FSD2: variants seen among roughly 807,000 people sequenced by gnomAD.
FSD2 encodes fibronectin type III and SPRY domain-containing protein 2.
In FSD2, 71 loss-of-function variants were observed where a neutral mutation model predicts 80.4. The ratio of observed to expected loss-of-function variants is 0.88; its 90% confidence interval spans 0.73 to 1.08. The LOEUF (loss-of-function observed/expected upper bound fraction) is 1.08. Among genes scored for constraint, FSD2 ranks in the 50% least tolerant of loss-of-function variants. FSD2 has a pLI of 0.00. For missense variants in FSD2, 923 were observed against 913.8 expected, an observed-to-expected ratio of 1.01 and a Z score of -0.13; for synonymous variants, 361 against 329.5, an observed-to-expected ratio of 1.10 and a Z score of -1.03.
In FSD2 at chr15:82,766,014, G is replaced by A. The variant is rs756808809; in HGVS notation, c.1571C>T (p.Pro524Leu). Reference protein sequence around the residue: ...SGVTESVVGIPTCESVVQLQP... With the variant: ...SGVTESVVGILTCESVVQLQP... ...CAGCTGCACCACGGACTCGCAGGTC[G>A]GGATGCCCACAACAGACCTGTACAA... is the stretch of plus-strand genomic sequence containing the variant. The change falls in exon 10 of 13, where the codon CCG (proline) becomes CTG (leucine). Residue 524 changes from proline to leucine, a missense_variant. By Grantham distance (98) the Pro-to-Leu change is moderately conservative (BLOSUM62 -3). Coordinates refer to ENST00000334574, the MANE Select transcript of FSD2 (RefSeq NM_001007122.4). 3.3e-5 allele frequency: 53 copies of A among 1,586,562 alleles called. No homozygotes were observed. In the East Asian group the frequency reaches 6.9e-4, roughly 21 times the overall value.
At position 82,758,200 on chromosome 15, in the gene FSD2, A is replaced by G. The variant is rs2049212422; in HGVS notation, c.*1148T>C. 6.6e-6 allele frequency: 1 copy of G among 152,198 alleles called. No individual in the cohort carries two copies. 9.4% of individuals were successfully genotyped at this position (152,198 alleles called of 1,614,324 possible). ...ATCTGGGTTTAGAGGCATCTGTGGG[A>G]CATGATACTGAATTGTAATTGCTTC... On this transcript the variant is annotated 3_prime_UTR_variant, in exon 13 of 13. Transcript: ENST00000334574.
In FSD2 at chr15:82,785,052, A is replaced by G. The variant is rs368135930; in HGVS notation, c.735+1459T>C. On this transcript the variant is annotated intron_variant, in intron 3 of 12. Transcript: ENST00000334574. ...CCTTGTCAAGGCTGAACCGTGAAAG[A>G]GGAGCTAGTCTTATTCTGTGTAGCT... is the stretch of plus-strand genomic sequence containing the variant. Among the ~76,000 whole-genome samples, 5 of 152,332 alleles carry G rather than the reference A, an allele frequency of 3.3e-5. No individual in the cohort carries two copies. The East Asian group carries it at 9.6e-4, about 29-fold the overall frequency.
intron 2 of FSD2, 26 bp downstream of exon 2, chr15:82,786,724 CAG>C (rs2050006897): frequency 1.2e-6 from 2 of 1,610,016 alleles, no homozygotes; most frequent in African/African-American, 2.7e-5. Context: ...AATATCAAGA[CAG>C]AGAAGAACCA....
At chr15:82,788,969 ACT>A (rs1237227209) in intron 1 of FSD2, among the ~76,000 whole-genome samples, 4 of 147,476 alleles carry the variant, frequency 2.7e-5, no homozygotes, top group South Asian at 2.3e-4. Flanking sequence ...ACAGAGCAAG[ACT>A]CTGTCTAAAA....
chr15:82,792,817 A>T (rs1256839454), intron 1 of FSD2, among the ~76,000 whole-genome samples: 2 of 152,092 alleles, frequency 1.3e-5, no homozygotes, highest in African/African-American at 2.4e-5. Context: ...GTCATATGTG[A>T]CTAGATTCAG....
In FSD2 at chr15:82,782,615, C is replaced by T. The variant is rs572925883; in HGVS notation, c.966+180G>A. On this transcript the variant is annotated intron_variant, in intron 4 of 12. Transcript: ENST00000334574. ...TGGAAGCCATGCAGAGAGATTGGGCCACAGCCTCCCCATCACGATCATCCA... is the reference window on the plus strand; with the variant it reads ...TGGAAGCCATGCAGAGAGATTGGGCTACAGCCTCCCCATCACGATCATCCA... 3.9e-5 allele frequency among the ~76,000 whole-genome samples: 6 copies of T among 152,288 alleles called. No individual in the cohort carries two copies. The East Asian group carries it at 1.2e-3, about 29-fold the overall frequency.
At chr15:82,783,057 AGC>A in intron 3 of FSD2, 32 bp from the exon 4 acceptor site, 1 of 1,457,010 alleles carries the variant, frequency 6.9e-7, no homozygotes, top group Non-Finnish European at 9.6e-7. Context: ...TCATCATTTC[AGC>A]GCATGTAGTG....
chr15:82,769,504 G>A (rs146310651), intron 8 of FSD2, among the ~76,000 whole-genome samples: 322 of 152,106 alleles, frequency 2.1e-3, no homozygotes, highest in African/African-American at 7.4e-3. Flanking sequence ...GAACCTAGGC[G>A]GCAGAGGTTG....
At chr15:82,783,075 AT>A in intron 3 of FSD2, 50 bp from the exon 4 acceptor site, 1 of 1,321,266 alleles carries the variant, frequency 7.6e-7, no homozygotes, top group Non-Finnish European at 1.1e-6. Context: ...TAGTGTGTTG[AT>A]TAGAGTCTTT....
At position 82,759,120 on chromosome 15, in the gene FSD2, T is replaced by C; in HGVS notation, c.*228A>G. On this transcript the variant is annotated 3_prime_UTR_variant, in exon 13 of 13. Coordinates refer to ENST00000334574, the MANE Select transcript of FSD2 (RefSeq NM_001007122.4). ...TGAGTTCGTTTAGTCTGAGCCTTTA[T>C]TTTACAGCTGGGCCTGGTAATGACT... The C allele has an allele frequency of 1.9e-6, 1 of 519,744 alleles. No individual in the cohort carries two copies. Among genetic ancestry groups the C allele is most frequent in the Non-Finnish European group, 3.4e-6 (1 of 294,112 alleles). The allele number at this position is 519,744 out of a possible 1,614,324, so 32.2% of individuals were successfully genotyped here. A position where few individuals can be genotyped will look rare whatever the true frequency, so the allele number is the denominator to read the frequency against.
At chr15:82,767,823 G>A (rs1036638977) in intron 9 of FSD2, among the ~76,000 whole-genome samples, 2 of 152,172 alleles carry the variant, frequency 1.3e-5, no homozygotes, top group African/African-American at 4.8e-5. Flanking sequence ...TTCAAGCCTG[G>A]CATTTAGCAT....
intron 1 of FSD2, among the ~76,000 whole-genome samples, chr15:82,799,780 G>A (rs952850566): frequency 6.6e-6 from 1 of 152,188 alleles, no homozygotes; most frequent in Admixed American, 6.5e-5. Context: ...TGGGGTTCTG[G>A]TTAAACGTAG....
At chr15:82,775,272 C>T (rs2049689337) in intron 6 of FSD2, among the ~76,000 whole-genome samples, 1 of 151,716 alleles carries the variant, frequency 6.6e-6, no homozygotes, top group East Asian at 2.0e-4. Flanking sequence ...GTAGCGGGTG[C>T]CTGTAATCCC....
intron 9 of FSD2, among the ~76,000 whole-genome samples, chr15:82,766,372 G>A (rs1175043315): frequency 1.3e-5 from 2 of 152,110 alleles, no homozygotes; most frequent in Non-Finnish European, 2.9e-5. Flanking sequence ...GTCTCTGTCC[G>A]TCTGTTAGGA....
At position 82,787,103 on chromosome 15, in the gene FSD2, G is replaced by A. The variant is rs1185481561; in HGVS notation, c.288C>T (p.Pro96=). 1 of 1,613,886 alleles carries A rather than the reference G, an allele frequency of 6.2e-7. No homozygotes were observed. Among genetic ancestry groups the A allele is most frequent in the Non-Finnish European group, 8.5e-7 (1 of 1,179,880 alleles). The change falls in exon 2 of 13, where the codon CCC becomes CCT. Residue 96 remains proline, a synonymous_variant. Coordinates refer to ENST00000334574, the MANE Select transcript of FSD2 (RefSeq NM_001007122.4). ...GAGGATATTCTGAAACCCCTGTTCTGGGTATGTTTTCATCAACAAACTCAT... is the reference window on the plus strand; with the variant it reads ...GAGGATATTCTGAAACCCCTGTTCTAGGTATGTTTTCATCAACAAACTCAT... ...LGDEFVDENI[P]RTGVSEYPPY...
At chr15:82,778,917 A>G in intron 5 of FSD2, 30 bp from the exon 6 acceptor site, 6 of 1,613,158 alleles carry the variant, frequency 3.7e-6, no homozygotes, top group Non-Finnish European at 5.1e-6. Flanking sequence ...TGCTGACTAG[A>G]ATGGAGGGGC....
chr15:82,792,113 C>T (rs1450279708), intron 1 of FSD2, among the ~76,000 whole-genome samples: 1 of 152,094 alleles, frequency 6.6e-6, no homozygotes, highest in Non-Finnish European at 1.5e-5. Flanking sequence ...AGGTATATAC[C>T]CAGGGGTGAG....
At chr15:82,786,685 C>A (rs940628932) in intron 2 of FSD2, 67 bp downstream of exon 2, 27 of 1,606,782 alleles carry the variant, frequency 1.7e-5, no homozygotes, top group Non-Finnish European at 2.3e-5. Flanking sequence ...TAGATTTATT[C>A]CCTGCGTATG....
At chr15:82,767,716 G>C (rs552580837) in intron 9 of FSD2, among the ~76,000 whole-genome samples, 2 of 152,324 alleles carry the variant, frequency 1.3e-5, no homozygotes, top group South Asian at 2.1e-4. Context: ...CCCCACTCCT[G>C]AGTATCTCCA....
Sources: gnomAD v4.1 joint callset for allele counts (sites outside exome capture counted in the v4.1 genomes callset) on GRCh38, gnomAD v4.1.1 for gene constraint, MANE v1.5 for transcripts, NCBI Gene and HGNC (gene_info 2026-07-23, HGNC 2026-07-21) for gene names.